The following SMC2 variants were observed in gnomAD, a reference collection of about 807,000 sequenced individuals.
SMC2 encodes the protein structural maintenance of chromosomes protein 2.
In SMC2, 41 loss-of-function variants were observed where a neutral mutation model predicts 142.6. The observed-to-expected ratio is 0.29, with a 90% CI of 0.22 to 0.37. The LOEUF (loss-of-function observed/expected upper bound fraction) is 0.37. Among genes scored for constraint, SMC2 ranks in the 10% least tolerant of loss-of-function variants. The pLI, the probability that SMC2 is intolerant of heterozygous loss-of-function variation, is 1.00. For synonymous variants in SMC2, 463 were observed against 457.5 expected (o/e 1.01, Z -0.15); for missense variants, 1,265 against 1,373.7 (o/e 0.92, Z 1.25).
rs7873786 is a variant in SMC2, at chr9:104,120,229, T to A, written c.2132+67T>A. 4 of 1,394,248 alleles carry A rather than the reference T, an allele frequency of 2.9e-6. No homozygotes were observed. In the East Asian group the frequency reaches 7.5e-5, roughly 26 times the overall value. 86.4% of individuals were successfully genotyped at this position (1,394,248 alleles called of 1,614,324 possible). On this transcript the variant is annotated intron_variant, in intron 16 of 24. Transcript: ENST00000374793. ...GTAGAAAATGATAGAAAATTTACTT[T>A]TATTTCAAGAAATACAGCTTCTGAC...
chr9:104,105,333 C>A (rs779861789), intron 9 of SMC2, among the ~76,000 whole-genome samples: 1 of 152,178 alleles, frequency 6.6e-6, no homozygotes, highest in Non-Finnish European at 1.5e-5. Flanking sequence ...ACCGTCTGCC[C>A]GCTTTCCAGG....
At chr9:104,088,602 A>T in the SMC2 span, among the ~76,000 whole-genome samples, 1 of 151,936 alleles carries the variant, frequency 6.6e-6, no homozygotes, top group Non-Finnish European at 1.5e-5. Flanking sequence ...ATGCTTCAGG[A>T]ATGACGAAAA....
intron 21 of SMC2, among the ~76,000 whole-genome samples, chr9:104,131,073 A>G (rs978760544): frequency 3.9e-5 from 6 of 152,188 alleles, no homozygotes; most frequent in African/African-American, 9.7e-5. Flanking sequence ...TTAAAGGTGA[A>G]TGTGAAGCCT....
intron 21 of SMC2, 55 bp downstream of exon 21, chr9:104,129,900 A>T: frequency 1.5e-6 from 2 of 1,305,498 alleles, no homozygotes; most frequent in East Asian, 4.7e-5. Flanking sequence ...TAGCATTGAC[A>T]GCTCTGTATG....
At chr9:104,116,634 A>C (rs976855187) in intron 14 of SMC2, among the ~76,000 whole-genome samples, 3 of 152,150 alleles carry the variant, frequency 2.0e-5, no homozygotes, top group African/African-American at 4.8e-5. Flanking sequence ...ACGTACCCCA[A>C]ATTCTTCAAG....
rs1035177512 is a variant in SMC2 at position 104,120,130 on chromosome 9, G to A, written c.2100G>A (p.Glu700=). ...IKENELRALE[E]ELAGLKNTAE... is the part of the protein sequence containing the mutation. ...AGAATGAGCTGCGGGCTCTAGAAGAGGAATTAGCAGGTCTTAAAAACACTG... is the reference window on the plus strand; with the variant it reads ...AGAATGAGCTGCGGGCTCTAGAAGAAGAATTAGCAGGTCTTAAAAACACTG... Residue 700 remains glutamate, a synonymous_variant, in exon 16 of 25, where the codon GAG becomes GAA. Transcript: ENST00000374793. The A allele has an allele frequency of 6.2e-7, 1 of 1,612,412 alleles. No individual in the cohort carries two copies. The highest frequency in any genetic ancestry group is 1.3e-5 in the African/African-American group (1 of 74,778).
At chr9:104,097,535 G>A (rs1830597013) in intron 3 of SMC2, among the ~76,000 whole-genome samples, 1 of 142,134 alleles carries the variant, frequency 7.0e-6, no homozygotes, top group Non-Finnish European at 1.5e-5. Flanking sequence ...AAGAAGCGTA[G>A]GCCACGTTAG....
chr9:104,111,825 A>G lies in SMC2; in HGVS notation c.1254+11A>G, dbSNP rs775023379. The G allele has an allele frequency of 4.5e-6, 7 of 1,567,240 alleles. No homozygotes were observed. On this transcript the variant is annotated intron_variant, in intron 10 of 24. Transcript: ENST00000374793. ...ACAGAAGCCAAACAGGTAAATAGAG[A>G]CATTAGCACTATGTGATTGCTTTTT...
intron 15 of SMC2, 68 bp downstream of exon 15, chr9:104,118,443 AT>A: frequency 7.4e-7 from 1 of 1,343,626 alleles, no homozygotes; most frequent in Non-Finnish European, 1.0e-6. Flanking sequence ...TTTTAAGTAC[AT>A]TTTTAGCCCA....
At chr9:104,126,853 G>A in intron 19 of SMC2, 69 bp downstream of exon 19, 3 of 1,426,190 alleles carry the variant, frequency 2.1e-6, no homozygotes, top group Non-Finnish European at 2.9e-6. Flanking sequence ...AGCTTAAGAT[G>A]TTTGACTTTA....
chr9:104,097,190 G>A (rs572510257), intron 3 of SMC2, among the ~76,000 whole-genome samples: 1 of 138,190 alleles, frequency 7.2e-6, no homozygotes, highest in African/African-American at 2.7e-5. Flanking sequence ...TCCATCTCCC[G>A]GGTTCAAGAG....
rs1338953522 is a variant in SMC2, at chr9:104,126,588, T to C, written c.2452-53T>C. The stretch of plus-strand genomic sequence containing the variant: ...TATTTAATTGTTCTGTACATATTTG[T>C]TTTTCAGTAGTTAATAACCTATATG... On this transcript the variant is annotated intron_variant, in intron 18 of 24. Coordinates refer to ENST00000374793, the MANE Select transcript of SMC2 (RefSeq NM_006444.3). 3.6e-6 allele frequency: 5 copies of C among 1,385,782 alleles called. No individual in the cohort carries two copies. The African/African-American group carries it at 5.9e-5, about 16-fold the overall frequency. The allele number at this position is 1,385,782 out of a possible 1,614,324, so 85.8% of individuals were successfully genotyped here. A position where few individuals can be genotyped will look rare whatever the true frequency, so the allele number is the denominator to read the frequency against.
At chr9:104,112,976 C>T (rs1325557528) in intron 10 of SMC2, among the ~76,000 whole-genome samples, 2 of 151,916 alleles carry the variant, frequency 1.3e-5, no homozygotes, top group Admixed American at 1.3e-4. Context: ...AGGAAAAGAA[C>T]GAGAGTTGTG....
Position 104,127,433 on chromosome 9 carries a change from C to T in SMC2, c.2743C>T (p.His915Tyr), listed in dbSNP as rs1834433917. 6.2e-7 allele frequency: 1 copy of T among 1,612,954 alleles called. No homozygotes were observed. Among genetic ancestry groups the T allele is most frequent in the East Asian group, 2.2e-5 (1 of 44,844 alleles). ...TCAGCTTAAAATTAAGGAATTAGAC[C>T]ACAACATCAGCAAACATAAACGGGA... ...DSQLKIKELD[H>Y]NISKHKREAE... is the part of the protein sequence containing the mutation. The change falls in exon 20 of 25, where the codon CAC (histidine) becomes TAC (tyrosine). Residue 915 changes from histidine (H) to tyrosine (Y), a missense_variant. His to Tyr is a moderately conservative substitution (Grantham distance 83, BLOSUM62 2). Around this residue, in one of 4 missense-constraint regions of SMC2, gnomAD observed 898 missense variants for 904.2 expected, o/e 0.99. Coordinates refer to ENST00000374793, the MANE Select transcript of SMC2 (RefSeq NM_006444.3).
At chr9:104,115,545 A>G (rs960909466) in intron 13 of SMC2, among the ~76,000 whole-genome samples, 2 of 151,864 alleles carry the variant, frequency 1.3e-5, no homozygotes, top group African/African-American at 2.4e-5. Context: ...AGATTGCACC[A>G]CTGCGCTCCT....
chr9:104,109,717 G>T (rs535578631), intron 9 of SMC2, among the ~76,000 whole-genome samples: 4 of 152,164 alleles, frequency 2.6e-5, no homozygotes, highest in East Asian at 3.9e-4. Context: ...GAAAAAATTT[G>T]CAGACAAATA....
intron 9 of SMC2, among the ~76,000 whole-genome samples, chr9:104,108,536 A>C (rs1024496434): frequency 6.6e-6 from 1 of 152,282 alleles, no homozygotes; most frequent in Non-Finnish European, 1.5e-5. Flanking sequence ...CTCGGGATCC[A>C]TCTGACTACC....
chr9:104,090,513 G>A (rs1430059701), upstream of SMC2, among the ~76,000 whole-genome samples: 2 of 150,980 alleles, frequency 1.3e-5, 1 homozygote, highest in South Asian at 4.2e-4. Context: ...GGATAGGGTG[G>A]GAAAAAAAAA....
intron 13 of SMC2, among the ~76,000 whole-genome samples, chr9:104,115,828 AC>A (rs1833042814): frequency 6.6e-6 from 1 of 151,918 alleles, no homozygotes; most frequent in Admixed American, 6.6e-5. Context: ...GCAAATATGT[AC>A]CCTTTGACCT....
Sources: gnomAD v4.1 joint callset for allele counts (sites outside exome capture counted in the v4.1 genomes callset) on GRCh38, gnomAD v4.1.1 for gene constraint, gnomAD v4.1.1 regional missense constraint, MANE v1.5 for transcripts, NCBI Gene and HGNC (gene_info 2026-07-23, HGNC 2026-07-21) for gene names.